Variants in SLC4A11 observed in about 807,000 individuals in gnomAD.
SLC4A11 encodes the protein solute carrier family 4 member 11.
In SLC4A11, 74 loss-of-function variants were observed where a neutral mutation model predicts 95.0. The observed-to-expected ratio is 0.78, with a 90% CI of 0.65 to 0.95. The LOEUF (loss-of-function observed/expected upper bound fraction) is 0.95, where lower values mean the gene tolerates loss of function less well. Among genes scored for constraint, SLC4A11 ranks in the 40% least tolerant of loss-of-function variants. The pLI is 0.00. For missense variants in SLC4A11, 1,081 were observed against 1,192.4 expected (o/e 0.91, Z 1.38); for synonymous variants, 548 against 519.0 (o/e 1.06, Z -0.76).
Position 3,234,481 on chromosome 20 carries a change from G to A in SLC4A11, c.291+87C>T. The A allele has an allele frequency of 1.3e-6, 2 of 1,577,866 alleles. No homozygotes were observed. The highest frequency in any genetic ancestry group is 1.7e-6 in the Non-Finnish European group (2 of 1,149,556). On this transcript the variant is annotated intron_variant, in intron 4 of 19. Transcript: ENST00000642402. This position sits in a 1 kb window ranked among gnomAD's most constrained non-coding sequence, Gnocchi z 5.8. ...AGCTGCTCCTGGAGGCATGGGAAGA[G>A]GGGAGCAGCGGGAGGATTCTCAGGG...
rs894714346 is a variant in SLC4A11, at chr20:3,231,373, T to G, written c.905A>C (p.Lys302Thr). ...AGGGAGGGAGACTGTGCTGCGTTCC[T>G]TCGTTCTCGGCGCCACTGGACCGTG... ...VSHGPVAPRTKERSTVSLPAH... is the reference protein window; with the variant it reads ...VSHGPVAPRTTERSTVSLPAH... The change falls in exon 8 of 20, where the codon AAG becomes ACG. Residue 302 changes from lysine to threonine, a missense_variant. By Grantham distance (78) the Lys-to-Thr change is moderately conservative. This residue lies in a region of SLC4A11 where 767 missense variants were observed against 858.0 expected (regional missense o/e 0.89). Transcript: ENST00000642402. This position sits in a 1 kb window ranked among gnomAD's most constrained non-coding sequence, Gnocchi z 5.2. 1.9e-6 allele frequency: 3 copies of G among 1,613,922 alleles called. No homozygotes were observed. The highest frequency in any genetic ancestry group is 2.7e-5 in the African/African-American group (2 of 74,904).
chr20:3,238,876 G>A, intron 1 of SLC4A11: 6 of 1,248,042 alleles, frequency 4.8e-6, no homozygotes, highest in Non-Finnish European at 5.0e-6. Flanking sequence ...CGACAGCAGA[G>A]CCCTAATGAA....
In SLC4A11 at chr20:3,227,805, G is replaced by A. The variant is rs76962118; in HGVS notation, c.2610C>T (p.Asp870=). ...CTGCCAGTCAAGGCCTGTGCTCAGC[G>A]TCCATGACATCCAAGTACTTGGCTT... ...IIEAKYLDVM[D]AEHRP The change falls in exon 20 of 20, where the codon GAC becomes GAT. Residue 870 remains aspartate, a synonymous_variant. Coordinates refer to ENST00000642402, the MANE Select transcript of SLC4A11 (RefSeq NM_001174089.2). 2,347 of 1,613,200 alleles carry A rather than the reference G, an allele frequency of 1.5e-3. 32 individuals carry two copies. The African/African-American group carries it at 0.028, about 19-fold the overall frequency.
chr20:3,239,252 C>T (rs915949454), upstream of SLC4A11: 11 of 1,268,344 alleles, frequency 8.7e-6, no homozygotes, highest in African/African-American at 1.6e-5. Context: ...ACCCCCACGC[C>T]GCGCCTGGGT....
At position 3,230,814 on chromosome 20, in the gene SLC4A11, G is replaced by A. The variant is rs746049400; in HGVS notation, c.1200C>T (p.Ile400=). 22 of 1,613,210 alleles carry A rather than the reference G, an allele frequency of 1.4e-5. No individual in the cohort carries two copies. The highest frequency in any genetic ancestry group is 7.7e-5 in the South Asian group (7 of 91,092). Reference sequence around the variant, plus strand: ...AGAAGAGCGCGTAGAGCAGGCCCCCGATGCTCTGCCCGGCTATGGTCTTCT... The same window carrying A: ...AGAAGAGCGCGTAGAGCAGGCCCCCAATGCTCTGCCCGGCTATGGTCTTCT... ...DVQKTIAGQS[I]GGLLYALFSG... The change falls in exon 11 of 20, where the codon ATC becomes ATT. Residue 400 remains isoleucine, a synonymous_variant. Coordinates refer to ENST00000642402, the MANE Select transcript of SLC4A11 (RefSeq NM_001174089.2).
intron 1 of SLC4A11, chr20:3,238,492 G>A: frequency 8.0e-6 from 8 of 1,006,286 alleles, no homozygotes; most frequent in South Asian, 4.5e-5. Flanking sequence ...GGTTGGGCCG[G>A]TGCACACTCC....
At position 3,234,157 on chromosome 20, in the gene SLC4A11, T is replaced by C. The variant is rs202002249; in HGVS notation, c.449A>G (p.Asn150Ser). 1.5e-5 allele frequency: 25 copies of C among 1,614,078 alleles called. No individual in the cohort carries two copies. The East Asian group carries it at 3.6e-4, about 23-fold the overall frequency. The change falls in exon 5 of 20, where the codon AAT becomes AGT. Residue 150 changes from asparagine to serine, a missense_variant. Coordinates refer to ENST00000642402, the MANE Select transcript of SLC4A11 (RefSeq NM_001174089.2). The surrounding 1 kb of genome is among the most constrained non-coding windows in gnomAD (Gnocchi z 5.8). ...LRRFARDPDN[N>S]EPNCNLDLLM... ...CAGGTCCAGGTTGCAGTTGGGCTCA[T>C]TGTTGTCAGGGTCCCTGGCGAAGCG...
Position 3,234,422 on chromosome 20 carries a change from C to G in SLC4A11, c.292-108G>C. 6.6e-7 allele frequency: 1 copy of G among 1,503,924 alleles called. No individual in the cohort carries two copies. The highest frequency in any genetic ancestry group is 9.2e-7 in the Non-Finnish European group (1 of 1,086,670). The allele number at this position is 1,503,924 out of a possible 1,614,324, so 93.2% of individuals were successfully genotyped here. A position where few individuals can be genotyped will look rare whatever the true frequency, so the allele number is the denominator to read the frequency against. The stretch of plus-strand genomic sequence containing the variant: ...CAGCAGTCCAGCCCCCAGCCCCCAG[C>G]CCCCAGCCCTGGGCTGGTGCGAGCT... On this transcript the variant is annotated intron_variant, in intron 4 of 19. Transcript: ENST00000642402. The surrounding 1 kb of genome is among the most constrained non-coding windows in gnomAD (Gnocchi z 5.8).
intron 13 of SLC4A11, 66 bp downstream of exon 13, chr20:3,230,121 G>T: frequency 6.4e-7 from 1 of 1,558,334 alleles, no homozygotes; most frequent in Admixed American, 1.7e-5. Flanking sequence ...CCCAGCCAGG[G>T]GCAGTGCAGA....
upstream of SLC4A11, chr20:3,239,263 C>G: frequency 2.5e-6 from 3 of 1,217,846 alleles, no homozygotes; most frequent in Non-Finnish European, 3.1e-6. Flanking sequence ...GCGCCTGGGT[C>G]CTAATGCCGC....
chr20:3,231,457 G>C lies in SLC4A11; in HGVS notation c.821C>G (p.Thr274Arg). Reference protein sequence around the residue: ...AFRQKLLETRTEEEFKEALVH... With the variant: ...AFRQKLLETRREEEFKEALVH... ...CAAGGCCTCCTTGAATTCCTCCTCT[G>C]TGCGGGTCTCCAGGAGCTTCTGGCG... The change falls in exon 8 of 20, where the codon ACA (threonine) becomes AGA (arginine). Residue 274 changes from threonine (T) to arginine (R), a missense_variant. By Grantham distance (71) the Thr-to-Arg change is moderately conservative (BLOSUM62 -1). Coordinates refer to ENST00000642402, the MANE Select transcript of SLC4A11 (RefSeq NM_001174089.2). This position sits in a 1 kb window ranked among gnomAD's most constrained non-coding sequence, Gnocchi z 5.2. 1 of 1,614,060 alleles carries C rather than the reference G, an allele frequency of 6.2e-7. No homozygotes were observed. Among genetic ancestry groups the C allele is most frequent in the African/African-American group, 1.3e-5 (1 of 75,036 alleles).
At chr20:3,228,154 A>T in intron 19 of SLC4A11, 105 bp downstream of exon 19, 2 of 122,190 alleles carry the variant, frequency 1.6e-5, no homozygotes, top group Admixed American at 3.1e-4. Flanking sequence ...CAACCCGCCC[A>T]TTCTCCGCCC....
chr20:3,236,661 C>G (rs2067991770), intron 2 of SLC4A11, among the ~76,000 whole-genome samples: 1 of 152,154 alleles, frequency 6.6e-6, no homozygotes, highest in South Asian at 2.1e-4. Context: ...TAAACTCCTT[C>G]CTCCCCGGGT....
intron 13 of SLC4A11, 152 bp from the exon 14 acceptor site, chr20:3,229,928 C>T (rs2067696717): frequency 8.3e-7 from 1 of 1,199,132 alleles, no homozygotes; most frequent in Admixed American, 1.8e-5. Context: ...CCCACTGTCC[C>T]TGTCCCATCT....
In SLC4A11 at chr20:3,229,371, G is replaced by A. The variant is rs2067670351; in HGVS notation, c.1824C>T (p.Ser608=). The A allele has an allele frequency of 1.2e-6, 2 of 1,613,230 alleles. No individual in the cohort carries two copies. The highest frequency in any genetic ancestry group is 1.1e-5 in the South Asian group (1 of 91,088). ...PIAVLAFSLI[S]SHGFREIEMS... ...TCTCGATTTCCCGGAAGCCATGGGA[G>A]CTGATGAGGGAGAAGGCGAGCACCG... The change falls in exon 15 of 20, where the codon AGC becomes AGT. Residue 608 remains serine, a synonymous_variant. Coordinates refer to ENST00000642402, the MANE Select transcript of SLC4A11 (RefSeq NM_001174089.2).
chr20:3,235,305 TCTCTCACACACA>T (rs1406923394), intron 2 of SLC4A11, among the ~76,000 whole-genome samples: 11 of 109,914 alleles, frequency 1.0e-4, no homozygotes, highest in South Asian at 9.5e-4. Context: ...TCTCTCTCTC[TCTCTCACACACA>T]CACACACACA....
In SLC4A11 at chr20:3,229,576, TGAG is replaced by T. The variant is rs749776866; in HGVS notation, c.1687_1689del (p.Leu563del). The T allele has an allele frequency of 6.8e-6, 11 of 1,612,758 alleles. No individual in the cohort carries two copies. In the African/African-American group the frequency reaches 8.0e-5, roughly 12 times the overall value. On this transcript the variant is annotated inframe_deletion, in exon 14 of 20. Transcript: ENST00000642402. The stretch of plus-strand genomic sequence containing the variant: ...CCCAGCCAGAGCGTGCCCAGCATGA[TGAG>T]GAGGCTGAGCACGGCGGTCGCCTGG...
rs1374119894 is a variant in SLC4A11 at position 3,239,150 on chromosome 20, C to A, written c.-13G>T. The A allele has an allele frequency of 6.8e-7, 1 of 1,464,910 alleles. No individual in the cohort carries two copies. Among genetic ancestry groups the A allele is most frequent in the Admixed American group, 2.4e-5 (1 of 42,268 alleles). The allele number at this position is 1,464,910 out of a possible 1,614,324, so 90.7% of individuals were successfully genotyped here. On this transcript the variant is annotated 5_prime_UTR_variant, in exon 1 of 20. Coordinates refer to ENST00000642402, the MANE Select transcript of SLC4A11 (RefSeq NM_001174089.2). ...TGGCCGCGGCCATGGCACACTCGCG[C>A]ACTCACGGCCGGGCTCCTCACGCGG...
intron 1 of SLC4A11, 144 bp downstream of exon 1, chr20:3,238,951 G>T: frequency 7.9e-7 from 1 of 1,263,862 alleles, no homozygotes; most frequent in East Asian, 3.4e-5. Context: ...CCTCCCCGCG[G>T]CTGGGAATCC....
Sources: allele counts gnomAD v4.1 joint callset (sites outside exome capture counted in the v4.1 genomes callset), GRCh38; gene constraint gnomAD v4.1.1; regional missense constraint gnomAD v4.1.1; non-coding constraint Gnocchi (gnomAD v3.1); transcripts MANE v1.5; gene names NCBI Gene and HGNC (gene_info 2026-07-23, HGNC 2026-07-21).